Variants in EHBP1 observed in about 807,000 individuals in gnomAD.
EHBP1 encodes EH domain binding protein 1.
Under a neutral mutation model 144.0 loss-of-function variants are expected in EHBP1, and 55 were observed. The observed-to-expected ratio is 0.38, with a 90% CI of 0.31 to 0.48. The LOEUF (loss-of-function observed/expected upper bound fraction) is 0.48, where lower values mean the gene tolerates loss of function less well. Among genes scored for constraint, EHBP1 ranks in the 20% least tolerant of loss-of-function variants. The pLI, the probability that EHBP1 is intolerant of heterozygous loss-of-function variation, is 0.98. For synonymous variants in EHBP1, 469 were observed against 472.7 expected, an observed-to-expected ratio of 0.99 and a Z score of 0.10; for missense variants, 1,200 against 1,364.2, an observed-to-expected ratio of 0.88 and a Z score of 1.90.
intron 14 of EHBP1, among the ~76,000 whole-genome samples, chr2:62,966,673 C>G (rs991408232): frequency 2.6e-5 from 4 of 152,020 alleles, no homozygotes; most frequent in Admixed American, 1.3e-4. Flanking sequence ...ATAAAATATT[C>G]TTTTATAAGA....
chr2:62,758,855 A>T (rs957971975), intron 3 of EHBP1, among the ~76,000 whole-genome samples: 1 of 152,242 alleles, frequency 6.6e-6, no homozygotes, highest in Admixed American at 6.5e-5. Context: ...TTATGTTGAC[A>T]ACTCTAAGAT....
chr2:62,745,356 G>A (rs928329041), intron 2 of EHBP1, among the ~76,000 whole-genome samples: 1 of 151,070 alleles, frequency 6.6e-6, no homozygotes, highest in Non-Finnish European at 1.5e-5. Context: ...GGGAACACAG[G>A]TGTAATTAAC....
At chr2:62,688,263 C>T (rs187790510) in intron 1 of EHBP1, among the ~76,000 whole-genome samples, 6 of 152,256 alleles carry the variant, frequency 3.9e-5, no homozygotes, top group Admixed American at 2.6e-4. Flanking sequence ...ATATACTCTA[C>T]GCTCCCCTCA....
chr2:62,957,177 C>A (rs1345290307), intron 14 of EHBP1, among the ~76,000 whole-genome samples: 1 of 151,868 alleles, frequency 6.6e-6, no homozygotes, highest in Non-Finnish European at 1.5e-5. Context: ...TCTAGGAATG[C>A]AAGATTGTTT....
At chr2:62,815,673 G>A (rs1455346972) in intron 5 of EHBP1, among the ~76,000 whole-genome samples, 2 of 152,144 alleles carry the variant, frequency 1.3e-5, no homozygotes, top group African/African-American at 4.8e-5. Flanking sequence ...AGCAAAGTGA[G>A]CCTGCCACTT....
rs571596676 is a variant in EHBP1, at chr2:62,822,963, T to A, written c.313-3124T>A. Among the ~76,000 whole-genome samples the A allele has an allele frequency of 1.3e-3, 202 of 152,204 alleles. 1 individual carries two copies. Among genetic ancestry groups the A allele is most frequent in the African/African-American group, 4.5e-3 (186 of 41,560 alleles). On this transcript the variant is annotated intron_variant, in intron 5 of 22. Transcript: ENST00000431489. ...AAGTGACATTTTTAAATTTAAATAA[T>A]TTTGTGTAAGAACTTAGGGGAAGTG...
At chr2:62,862,178 C>A (rs919280271) in intron 8 of EHBP1, among the ~76,000 whole-genome samples, 2 of 152,176 alleles carry the variant, frequency 1.3e-5, no homozygotes, top group African/African-American at 4.8e-5. Flanking sequence ...TTTATGACTT[C>A]TCTTTCACAC....
intron 10 of EHBP1, among the ~76,000 whole-genome samples, chr2:62,924,572 G>A (rs2055344071): frequency 6.6e-6 from 1 of 152,110 alleles, no homozygotes; most frequent in African/African-American, 2.4e-5. Context: ...AGACAACTAT[G>A]AATGACTTTA....
At chr2:63,020,276 A>G (rs1286817419) in intron 19 of EHBP1, among the ~76,000 whole-genome samples, 1 of 150,182 alleles carries the variant, frequency 6.7e-6, no homozygotes, top group African/African-American at 2.5e-5. Flanking sequence ...GTGAGCCGAA[A>G]TCATGCCATT....
chr2:62,841,879 G>A (rs2047911143), intron 7 of EHBP1, among the ~76,000 whole-genome samples: 1 of 152,030 alleles, frequency 6.6e-6, no homozygotes, highest in African/African-American at 2.4e-5. Context: ...TGCTTGGGCT[G>A]CTGTAACAAA....
intron 10 of EHBP1, among the ~76,000 whole-genome samples, chr2:62,882,273 T>C (rs1163466763): frequency 6.6e-6 from 1 of 152,148 alleles, no homozygotes; most frequent in African/African-American, 2.4e-5. Context: ...TTTCCCCCAA[T>C]GACTTAAATT....
At chr2:62,697,888 A>T (rs528983396) in intron 1 of EHBP1, among the ~76,000 whole-genome samples, 1 of 152,262 alleles carries the variant, frequency 6.6e-6, no homozygotes, top group African/African-American at 2.4e-5. Flanking sequence ...ATCCAGTAAC[A>T]TTCTTGGGCA....
In EHBP1 at chr2:62,715,240, G is replaced by A. The variant is rs367773655; in HGVS notation, c.104+7945G>A. ...AGCAATTCTTCTGCCTCGGCCTCCC[G>A]AGTAGCTGGGACTATAGGTGCATGC... On this transcript the variant is annotated intron_variant, in intron 2 of 22. Transcript: ENST00000431489. Among the ~76,000 whole-genome samples, 860 of 152,026 alleles carry A rather than the reference G, an allele frequency of 5.7e-3. 7 individuals carry two copies. The highest frequency in any genetic ancestry group is 0.014 in the Middle Eastern group (4 of 294).
In EHBP1 at chr2:63,045,593, C is replaced by A; in HGVS notation, c.*93C>A. 1 of 1,061,996 alleles carries A rather than the reference C, an allele frequency of 9.4e-7. No individual in the cohort carries two copies. The highest frequency in any genetic ancestry group is 1.4e-6 in the Non-Finnish European group (1 of 713,884). 65.8% of individuals were successfully genotyped at this position (1,061,996 alleles called of 1,614,324 possible). Reference sequence around the variant, plus strand: ...CTCATTGTTGATTTAAAACTTTTAACATTTTGTTTGGCTGGATTGTACTAC... The same window carrying A: ...CTCATTGTTGATTTAAAACTTTTAAAATTTTGTTTGGCTGGATTGTACTAC... On this transcript the variant is annotated 3_prime_UTR_variant, in exon 23 of 23. Transcript: ENST00000431489. This position sits in a 1 kb window ranked among gnomAD's most constrained non-coding sequence, Gnocchi z 5.7.
At position 62,897,530 on chromosome 2, in the gene EHBP1, C is replaced by A. The variant is rs2053038304; in HGVS notation, c.1185+22998C>A. 2.0e-5 allele frequency among the ~76,000 whole-genome samples: 3 copies of A among 152,138 alleles called. No individual in the cohort carries two copies. In the South Asian group the frequency reaches 6.2e-4, roughly 32 times the overall value. ...CCTTCCAAAGGGGTTGTACCATTTG[C>A]AATCAGATCTAATTCTATGACTTAA... On this transcript the variant is annotated intron_variant, in intron 10 of 22. Coordinates refer to ENST00000431489, the MANE Select transcript of EHBP1 (RefSeq NM_001142616.3).
chr2:62,968,962 C>T (rs1455564864), intron 14 of EHBP1, among the ~76,000 whole-genome samples: 3 of 152,180 alleles, frequency 2.0e-5, no homozygotes, highest in Admixed American at 6.6e-5. Flanking sequence ...AGACAACCAG[C>T]AAGAGGCCTT....
At chr2:62,965,604 T>G (rs2058211987) in intron 14 of EHBP1, among the ~76,000 whole-genome samples, 1 of 152,186 alleles carries the variant, frequency 6.6e-6, no homozygotes, top group South Asian at 2.1e-4. Context: ...GGTCACCTTT[T>G]CTGGAAGCCC....
chr2:62,870,901 G>A (rs1573821405), intron 9 of EHBP1, among the ~76,000 whole-genome samples: 2 of 151,628 alleles, frequency 1.3e-5, no homozygotes, highest in Non-Finnish European at 2.9e-5. Flanking sequence ...GCTAGGTTTT[G>A]ATAAAACCTA....
At chr2:62,916,411 G>A (rs1421557802) in intron 10 of EHBP1, among the ~76,000 whole-genome samples, 3 of 151,786 alleles carry the variant, frequency 2.0e-5, no homozygotes, top group Non-Finnish European at 4.4e-5. Context: ...GGCCAATATG[G>A]TGAAACTCCA....
Sources: allele counts gnomAD v4.1 joint callset (sites outside exome capture counted in the v4.1 genomes callset), GRCh38; gene constraint gnomAD v4.1.1; non-coding constraint Gnocchi (gnomAD v3.1); transcripts MANE v1.5; gene names NCBI Gene and HGNC (gene_info 2026-07-23, HGNC 2026-07-21).